ME3: variants seen among roughly 807,000 people sequenced by gnomAD.
ME3 encodes NADP-dependent malic enzyme, mitochondrial.
ME3 carries 48 observed loss-of-function variants against 68.9 expected under a neutral mutation model. The observed-to-expected ratio is 0.70, with a 90% CI of 0.55 to 0.89. The LOEUF (loss-of-function observed/expected upper bound fraction) is 0.89, where lower values mean the gene tolerates loss of function less well. Among genes scored for constraint, ME3 ranks in the 40% least tolerant of loss-of-function variants. The pLI is 0.00. For missense variants in ME3, 675 were observed against 797.4 expected (o/e 0.85, Z 1.85); for synonymous variants, 320 against 318.8 (o/e 1.00, Z -0.04).
chr11:86,672,132 G>A, intron 1 of ME3, 174 bp from the exon 2 acceptor site: 1 of 546,652 alleles, frequency 1.8e-6, no homozygotes, highest in Non-Finnish European at 2.9e-6. Flanking sequence ...GCTCGGCTCC[G>A]CGCGGGGCGC....
chr11:86,564,336 T>C (rs1354307187), intron 2 of ME3, among the ~76,000 whole-genome samples: 2 of 152,146 alleles, frequency 1.3e-5, no homozygotes, highest in Non-Finnish European at 1.5e-5. Context: ...ATCAAAATTT[T>C]AATGGCCTTT....
intron 8 of ME3, among the ~76,000 whole-genome samples, chr11:86,459,798 C>T (rs1425427270): frequency 6.6e-6 from 1 of 152,218 alleles, no homozygotes; most frequent in Non-Finnish European, 1.5e-5. Flanking sequence ...TGCTAATAGC[C>T]TGACATAACA....
In ME3 at chr11:86,537,191, A is replaced by G. The variant is rs2139318098; in HGVS notation, c.467+19362T>C. ...TGGGAGATACACCTAATGCTAGATG[A>G]CGAGTTAGTGGGTGCAGCACACCAG... is the stretch of plus-strand genomic sequence containing the variant. On this transcript the variant is annotated intron_variant, in intron 4 of 14. Coordinates refer to ENST00000543262, the Ensembl canonical transcript of ME3. Among the ~76,000 whole-genome samples, 2 of 151,318 alleles carry G rather than the reference A, an allele frequency of 1.3e-5. 1 individual carries two copies. Among genetic ancestry groups the G allele is most frequent in the South Asian group, 4.2e-4 (2 of 4,744 alleles).
At chr11:86,631,240 A>G (rs2135324388) in intron 2 of ME3, among the ~76,000 whole-genome samples, 1 of 152,376 alleles carries the variant, frequency 6.6e-6, no homozygotes, top group African/African-American at 2.4e-5. Flanking sequence ...GACTGAACAC[A>G]GGGATTTCCA....
chr11:86,503,875 A>G (rs561692562), intron 5 of ME3, among the ~76,000 whole-genome samples: 8 of 152,308 alleles, frequency 5.3e-5, no homozygotes, highest in South Asian at 4.1e-4. Context: ...GGAGGAGGCT[A>G]TTCTCAGCTG....
At chr11:86,559,592 T>C in intron 3 of ME3, 98 bp downstream of exon 3, 4 of 1,425,620 alleles carry the variant, frequency 2.8e-6, no homozygotes, top group Non-Finnish European at 3.8e-6. Flanking sequence ...TCTCAGCCTT[T>C]TTTAGCTGGA....
At chr11:86,534,567 C>T (rs769556282) in intron 4 of ME3, among the ~76,000 whole-genome samples, 12 of 152,104 alleles carry the variant, frequency 7.9e-5, no homozygotes, top group East Asian at 5.8e-4. Context: ...CCCAGCTACT[C>T]GGGAGACTGA....
Position 86,496,911 on chromosome 11 carries a change from C to CAATGTAACCAATTACAATGT in ME3, c.705+1051_705+1052insACATTGTAATTGGTTACATT, listed in dbSNP as rs1188447449. Among the ~76,000 whole-genome samples the CAATGTAACCAATTACAATGT allele has an allele frequency of 1.8e-3, 266 of 151,872 alleles. 2 individuals carry two copies. Among genetic ancestry groups the CAATGTAACCAATTACAATGT allele is most frequent in the African/African-American group, 5.9e-3 (245 of 41,430 alleles). On this transcript the variant is annotated intron_variant, in intron 6 of 14. Coordinates refer to ENST00000543262, the Ensembl canonical transcript of ME3. ...AAAAAAAAAGGCTGGGGAAATATACCAATATGTAAACAATGATTAGTGCTT... is the reference window on the plus strand; with the variant it reads ...AAAAAAAAAGGCTGGGGAAATATACCAATGTAACCAATTACAATGTAATATGTAAACAATGATTAGTGCTT...
intron 11 of ME3, 91 bp from the exon 12 acceptor site, chr11:86,447,298 C>T: frequency 6.6e-7 from 1 of 1,514,600 alleles, no homozygotes; most frequent in African/African-American, 1.4e-5. Flanking sequence ...CTAGGAATAC[C>T]ATGAAAGACT....
chr11:86,587,019 T>C (rs1958776765), intron 2 of ME3, among the ~76,000 whole-genome samples: 2 of 152,082 alleles, frequency 1.3e-5, no homozygotes, highest in African/African-American at 2.4e-5. Context: ...GAGAAATAGA[T>C]GAAAATAAAG....
At chr11:86,464,036 G>A (rs7112309) in intron 8 of ME3, 32,267 of 424,968 alleles carry the variant, frequency 0.076, 1,446 homozygotes, top group South Asian at 0.1. Flanking sequence ...AACCTTAGCT[G>A]TTATTACCTG....
intron 5 of ME3, among the ~76,000 whole-genome samples, chr11:86,508,006 C>T (rs1028493541): frequency 6.6e-6 from 1 of 151,686 alleles, no homozygotes; most frequent in African/African-American, 2.4e-5. Flanking sequence ...GCAACTTTTG[C>T]ATTCTATAAC....
intron 2 of ME3, among the ~76,000 whole-genome samples, chr11:86,626,208 C>T (rs1225497001): frequency 1.3e-5 from 2 of 152,104 alleles, no homozygotes; most frequent in Non-Finnish European, 2.9e-5. Flanking sequence ...TTGCAAACTG[C>T]CTTTATGCTT....
chr11:86,550,891 G>A (rs1044853877), intron 4 of ME3, among the ~76,000 whole-genome samples: 24 of 152,072 alleles, frequency 1.6e-4, no homozygotes, highest in African/African-American at 5.6e-4. Flanking sequence ...TTGGTCTTGT[G>A]TACAGCTGGA....
intron 5 of ME3, among the ~76,000 whole-genome samples, chr11:86,507,593 C>T (rs1411517847): frequency 6.6e-6 from 1 of 152,200 alleles, no homozygotes; most frequent in Non-Finnish European, 1.5e-5. Context: ...TACCAGAACC[C>T]CTCAAACTCC....
chr11:86,654,088 A>T (rs1945678023), intron 2 of ME3, among the ~76,000 whole-genome samples: 1 of 152,212 alleles, frequency 6.6e-6, no homozygotes, highest in African/African-American at 2.4e-5. Flanking sequence ...AGGAGCTGAA[A>T]TTGAGGCAAT....
rs751891045 is a variant in ME3, at chr11:86,565,200, TACAC to T, written c.184-5381_184-5378del. 7.5e-3 allele frequency among the ~76,000 whole-genome samples: 1,131 copies of T among 151,402 alleles called. 15 individuals carry two copies. The highest frequency in any genetic ancestry group is 0.026 in the African/African-American group (1,062 of 41,308). On this transcript the variant is annotated intron_variant, in intron 2 of 14. Coordinates refer to ENST00000543262, the Ensembl canonical transcript of ME3. ...TGAAATTAAAACACACACGTACACATACACACACACACACCCCCCCTAGGAAACA... is the reference window on the plus strand; with the variant it reads ...TGAAATTAAAACACACACGTACACATACACACACACCCCCCCTAGGAAACA...
At chr11:86,437,528 A>G (rs1397161348), downstream of ME3, among the ~76,000 whole-genome samples, 1 of 136,452 alleles carries the variant, frequency 7.3e-6, no homozygotes, top group Non-Finnish European at 1.6e-5. Context: ...TTTGATAGGT[A>G]TAGTGTTCAC....
chr11:86,571,089 G>A (rs1203111052), intron 2 of ME3, among the ~76,000 whole-genome samples: 1 of 152,110 alleles, frequency 6.6e-6, no homozygotes, highest in African/African-American at 2.4e-5. Flanking sequence ...TTAGGTTAAG[G>A]GTTATAAGCA....
Sources: allele counts gnomAD v4.1 joint callset (sites outside exome capture counted in the v4.1 genomes callset), GRCh38; gene constraint gnomAD v4.1.1; transcripts MANE v1.5; gene names NCBI Gene and HGNC (gene_info 2026-07-23, HGNC 2026-07-21).